Variants in NELL2 observed in about 807,000 individuals in gnomAD.
NELL2 encodes the protein neural EGFL like 2.
A neutral mutation model predicts 109.6 loss-of-function variants in NELL2; 41 were observed. That is an observed-to-expected ratio of 0.37 (90% CI 0.29 to 0.49). The LOEUF is 0.49. NELL2 is among the 20% of genes least tolerant of loss of function. NELL2 has a pLI of 0.98. For missense variants in NELL2, 900 were observed against 1,008.3 expected (o/e 0.89, Z 1.45); for synonymous variants, 355 against 344.7 (o/e 1.03, Z -0.33).
intron 2 of NELL2, among the ~76,000 whole-genome samples, chr12:44,834,228 C>T (rs1943976403): frequency 6.6e-6 from 1 of 151,962 alleles, no homozygotes; most frequent in Non-Finnish European, 1.5e-5. Context: ...ATTTTCATTC[C>T]TTCTCTCTCA....
chr12:44,767,262 T>C lies in NELL2; in HGVS notation c.994+7485A>G, dbSNP rs558911927. 2.0e-5 allele frequency among the ~76,000 whole-genome samples: 3 copies of C among 152,286 alleles called. No individual in the cohort carries two copies. In the East Asian group the frequency reaches 5.8e-4, roughly 29 times the overall value. On this transcript the variant is annotated intron_variant, in intron 9 of 19. Transcript: ENST00000429094. ...TGTTTGGGCTTCCATTGACTATTTC[T>C]CATTAAAAGATCTCCCATAAATTGC...
At chr12:44,763,467 C>G (rs1941206845) in intron 9 of NELL2, among the ~76,000 whole-genome samples, 1 of 152,086 alleles carries the variant, frequency 6.6e-6, no homozygotes, top group South Asian at 2.1e-4. Context: ...CCTCCTAAAT[C>G]TAATAATAAT....
chr12:44,571,443 T>C (rs751620102), intron 15 of NELL2, among the ~76,000 whole-genome samples: 4 of 152,182 alleles, frequency 2.6e-5, no homozygotes, highest in African/African-American at 4.8e-5. Flanking sequence ...AGAATGCTTA[T>C]TAAGAATCCA....
chr12:44,672,663 C>A (rs1025730810), intron 12 of NELL2, among the ~76,000 whole-genome samples: 1 of 152,146 alleles, frequency 6.6e-6, no homozygotes, highest in African/African-American at 2.4e-5. Flanking sequence ...CACTAAAGTT[C>A]TGTGAGAGAG....
intron 3 of NELL2, among the ~76,000 whole-genome samples, chr12:44,800,914 T>C (rs1445047122): frequency 2.0e-5 from 3 of 152,162 alleles, no homozygotes; most frequent in South Asian, 4.1e-4. Context: ...TCATCTGTTT[T>C]CTGACATGCT....
At chr12:44,626,444 C>T (rs564531551) in intron 13 of NELL2, among the ~76,000 whole-genome samples, 29 of 152,294 alleles carry the variant, frequency 1.9e-4, no homozygotes, top group Admixed American at 3.3e-4. Flanking sequence ...TCCTTAGACA[C>T]GCTCTGTCTC....
chr12:44,739,135 A>G (rs964916916), intron 9 of NELL2, among the ~76,000 whole-genome samples: 33 of 152,258 alleles, frequency 2.2e-4, no homozygotes, highest in African/African-American at 7.7e-4. Flanking sequence ...TCCAGTGTAA[A>G]TTAAGTCCCA....
intron 15 of NELL2, among the ~76,000 whole-genome samples, chr12:44,602,639 T>C (rs1419994835): frequency 6.6e-6 from 1 of 152,168 alleles, no homozygotes; most frequent in East Asian, 1.9e-4. Flanking sequence ...ATATATATTT[T>C]GGTAATGTAT....
At chr12:44,825,050 G>A (rs570187186) in intron 2 of NELL2, among the ~76,000 whole-genome samples, 11 of 152,028 alleles carry the variant, frequency 7.2e-5, no homozygotes, top group Non-Finnish European at 1.0e-4. Flanking sequence ...TGATGCCTCC[G>A]GCTTTGTTAT....
At chr12:44,523,544 G>A in intron 16 of NELL2, 60 bp from the exon 17 acceptor site, 2 of 1,461,834 alleles carry the variant, frequency 1.4e-6, no homozygotes, top group South Asian at 1.1e-5. Context: ...TCAAACAACT[G>A]CAATCAGGCC....
chr12:44,545,490 T>C (rs1044349160), intron 15 of NELL2, among the ~76,000 whole-genome samples: 2 of 152,098 alleles, frequency 1.3e-5, no homozygotes, highest in Non-Finnish European at 2.9e-5. Context: ...ATAAAGAAGA[T>C]ACAGAATGAT....
intron 12 of NELL2, among the ~76,000 whole-genome samples, chr12:44,685,150 T>C (rs1400118194): frequency 6.6e-6 from 1 of 152,234 alleles, no homozygotes; most frequent in Non-Finnish European, 1.5e-5. Flanking sequence ...TCTTGTTGAA[T>C]TGATCCCTTT....
intron 16 of NELL2, 134 bp downstream of exon 16, chr12:44,532,447 C>T (rs1942113322): frequency 2.6e-6 from 2 of 757,442 alleles, no homozygotes; most frequent in Non-Finnish European, 3.8e-6. Context: ...GATTTTAACA[C>T]ATTTCCAATC....
chr12:44,745,314 G>A (rs1219509175), intron 9 of NELL2, among the ~76,000 whole-genome samples: 14 of 152,080 alleles, frequency 9.2e-5, no homozygotes, highest in Admixed American at 3.9e-4. Flanking sequence ...AATAATAAGC[G>A]CAATCTATGA....
At chr12:44,834,517 C>T (rs1219314849) in intron 2 of NELL2, among the ~76,000 whole-genome samples, 6 of 148,974 alleles carry the variant, frequency 4.0e-5, no homozygotes, top group South Asian at 2.1e-4. Context: ...CACAAACATA[C>T]GCTATGTACA....
intron 1 of NELL2, among the ~76,000 whole-genome samples, chr12:44,898,677 CA>C (rs953082760): frequency 4.6e-5 from 7 of 152,140 alleles, no homozygotes; most frequent in Non-Finnish European, 1.0e-4. Flanking sequence ...TTGAAAATTC[CA>C]AAAACCAGAA....
intron 19 of NELL2, among the ~76,000 whole-genome samples, chr12:44,514,620 G>T (rs977174277): frequency 6.6e-6 from 1 of 151,496 alleles, no homozygotes; most frequent in Non-Finnish European, 1.5e-5. Flanking sequence ...AGTATATATA[G>T]TGTTTAATAA....
At chr12:44,535,013 C>T (rs766088290) in intron 15 of NELL2, among the ~76,000 whole-genome samples, 2 of 152,028 alleles carry the variant, frequency 1.3e-5, no homozygotes, top group African/African-American at 2.4e-5. Context: ...GCCTCATACT[C>T]ATTTCTTCTT....
chr12:44,693,708 G>T (rs1201551031), intron 12 of NELL2, among the ~76,000 whole-genome samples: 1 of 152,202 alleles, frequency 6.6e-6, no homozygotes, highest in Non-Finnish European at 1.5e-5. Flanking sequence ...ACAATAGAAA[G>T]TAAATGATGA....
Sources: gnomAD v4.1 joint callset for allele counts (sites outside exome capture counted in the v4.1 genomes callset) on GRCh38, gnomAD v4.1.1 for gene constraint, MANE v1.5 for transcripts, NCBI Gene and HGNC (gene_info 2026-07-23, HGNC 2026-07-21) for gene names.